KCNQ2: variants seen among roughly 807,000 people sequenced by gnomAD.
KCNQ2 encodes potassium voltage-gated channel subfamily Q member 2.
In KCNQ2, 14 loss-of-function variants were observed where a neutral mutation model predicts 84.8. The observed-to-expected ratio is 0.17, with a 90% CI of 0.11 to 0.26. KCNQ2 has a LOEUF of 0.26. Among genes scored for constraint, KCNQ2 ranks in the 10% least tolerant of loss-of-function variants. The pLI is 1.00. For missense variants in KCNQ2, 788 were observed against 1,254.0 expected, an observed-to-expected ratio of 0.63 and a Z score of 5.61; for synonymous variants, 599 against 554.1, an observed-to-expected ratio of 1.08 and a Z score of -1.14.
chr20:63,458,286 G>A (rs1054093557), intron 1 of KCNQ2, among the ~76,000 whole-genome samples: 4 of 152,224 alleles, frequency 2.6e-5, no homozygotes, highest in African/African-American at 7.2e-5. Flanking sequence ...ATGGCAGCCA[G>A]CATAGGCGAG....
intron 1 of KCNQ2, chr20:63,447,356 A>G (rs1270375971): frequency 6.3e-6 from 1 of 158,476 alleles, no homozygotes. Context: ...GAGCCAAGCA[A>G]CAGGAGCTCC....
In KCNQ2 at chr20:63,406,019, A is replaced by G. The variant is rs1176354125; in HGVS notation, c.*625T>C. ...CCTCGGGGCTGGCTTCCATGGAAAGAGCCCTCAGATCCCAGAAGGTACAGG... is the reference window on the plus strand; with the variant it reads ...CCTCGGGGCTGGCTTCCATGGAAAGGGCCCTCAGATCCCAGAAGGTACAGG... On this transcript the variant is annotated 3_prime_UTR_variant, in exon 17 of 17. Transcript: ENST00000359125. The G allele has an allele frequency of 6.6e-6, 1 of 152,264 alleles. No homozygotes were observed. Among genetic ancestry groups the G allele is most frequent in the African/African-American group, 2.4e-5 (1 of 41,444 alleles). The allele number at this position is 152,264 out of a possible 1,614,324, so 9.4% of individuals were successfully genotyped here.
At chr20:63,431,439 G>A in intron 8 of KCNQ2, 70 bp from the exon 9 acceptor site, 2 of 1,532,956 alleles carry the variant, frequency 1.3e-6, no homozygotes, top group Non-Finnish European at 1.8e-6. Context: ...ATAAGAAAAA[G>A]AAAATGAAAC....
chr20:63,465,701 C>T (rs562535212), intron 1 of KCNQ2, among the ~76,000 whole-genome samples: 140 of 152,332 alleles, frequency 9.2e-4, no homozygotes, highest in African/African-American at 3.3e-3. Context: ...AGGTGCCGCC[C>T]ACCCTACCCA....
chr20:63,413,683 G>A (rs1422930535), intron 14 of KCNQ2, 102 bp from the exon 15 acceptor site: 13 of 1,352,340 alleles, frequency 9.6e-6, no homozygotes, highest in Non-Finnish European at 1.2e-5. Context: ...CCTGGAGATG[G>A]CTGGACTTGC....
rs1440888009 is a variant in KCNQ2, at chr20:63,460,421, T to G, written c.296+11747A>C. Among the ~76,000 whole-genome samples the G allele has an allele frequency of 6.6e-6, 1 of 151,780 alleles. No individual in the cohort carries two copies. On this transcript the variant is annotated intron_variant, in intron 1 of 16. Transcript: ENST00000359125. This position sits in a 1 kb window ranked among gnomAD's most constrained non-coding sequence, Gnocchi z 5.4. ...GCTGAGGGCACCCCAACAGTGGCAC[T>G]CCTGACCGAGGCTCCCAGCAGGCCT...
Position 63,433,044 on chromosome 20 carries a change from G to C in KCNQ2, c.1118+765C>G, listed in dbSNP as rs545670111. Among the ~76,000 whole-genome samples, 499 of 152,314 alleles carry C rather than the reference G, an allele frequency of 3.3e-3. 2 individuals carry two copies. Among genetic ancestry groups the C allele is most frequent in the African/African-American group, 0.01 (418 of 41,564 alleles). On this transcript the variant is annotated intron_variant, in intron 8 of 16. Transcript: ENST00000359125. ...CCACACAGACGGACTCGAGGGGTCA[G>C]GCCCGCGTGGACCAGGAGAAAGGCC... is the stretch of plus-strand genomic sequence containing the variant.
intron 8 of KCNQ2, chr20:63,433,554 A>G: frequency 4.3e-6 from 3 of 695,990 alleles, no homozygotes; most frequent in South Asian, 3.9e-5. Context: ...GCAACGCACA[A>G]AACACAGCAC....
intron 1 of KCNQ2, among the ~76,000 whole-genome samples, chr20:63,468,500 G>T (rs1352763880): frequency 6.6e-6 from 1 of 152,216 alleles, no homozygotes; most frequent in Non-Finnish European, 1.5e-5. Flanking sequence ...TGAAGGGGTG[G>T]GAAAGAGGCC....
intron 12 of KCNQ2, among the ~76,000 whole-genome samples, chr20:63,418,955 C>T (rs2080383433): frequency 6.6e-6 from 1 of 152,256 alleles, no homozygotes; most frequent in African/African-American, 2.4e-5. Flanking sequence ...CTCCACCTTG[C>T]TGGGCTGTGC....
At chr20:63,413,208 C>G in intron 15 of KCNQ2, 1 of 558,572 alleles carries the variant, frequency 1.8e-6, no homozygotes, top group South Asian at 2.0e-5. Context: ...TTTTCAGGGA[C>G]CCACACACAC....
At chr20:63,439,838 G>C in intron 5 of KCNQ2, 130 bp from the exon 6 acceptor site, 1 of 740,722 alleles carries the variant, frequency 1.4e-6, no homozygotes. Context: ...CCATCCACAC[G>C]GAGGCCCAGT....
At chr20:63,413,325 G>A (rs557068314) in intron 15 of KCNQ2, 125 bp downstream of exon 15, 38 of 1,094,716 alleles carry the variant, frequency 3.5e-5, no homozygotes, top group African/African-American at 2.2e-4. Context: ...GACAGAGGCC[G>A]ACGTGGGTGG....
intron 1 of KCNQ2, among the ~76,000 whole-genome samples, chr20:63,454,622 G>A (rs2081722037): frequency 6.6e-6 from 1 of 152,228 alleles, no homozygotes; most frequent in Non-Finnish European, 1.5e-5. Context: ...CCAGGCCTCC[G>A]CCTACAAACC....
intron 10 of KCNQ2, among the ~76,000 whole-genome samples, chr20:63,427,885 GGGCAGGCCT>G (rs1014299202): frequency 1.3e-5 from 2 of 152,216 alleles, no homozygotes; most frequent in Non-Finnish European, 2.9e-5. Context: ...CTCTGGGCCT[GGGCAGGCCT>G]GGCAGGTGCA....
At chr20:63,453,819 G>A (rs976680293) in intron 1 of KCNQ2, 10 of 152,196 alleles carry the variant, frequency 6.6e-5, no homozygotes, top group African/African-American at 2.4e-4. Flanking sequence ...GCGAGAGAAG[G>A]GCAGGCGTAT....
At position 63,407,202 on chromosome 20, in the gene KCNQ2, G is replaced by A. The variant is rs543412828; in HGVS notation, c.2061C>T (p.Val687=). The change falls in exon 17 of 17, where the codon GTC becomes GTT. Residue 687 remains valine (V), a synonymous_variant. Coordinates refer to ENST00000359125, the MANE Select transcript of KCNQ2 (RefSeq NM_172107.4). This position sits in a 1 kb window ranked among gnomAD's most constrained non-coding sequence, Gnocchi z 7.2. ...REHVDRHGCI[V]KIVRSSSSTG... ...TGGAGCTGCTGGAGCGCACGATCTT[G>A]ACAATGCAGCCGTGCCTGTCGACAT... The A allele has an allele frequency of 6.2e-7, 1 of 1,606,086 alleles. No homozygotes were observed. The highest frequency in any genetic ancestry group is 1.3e-5 in the African/African-American group (1 of 75,054).
rs925192403 is a variant in KCNQ2, at chr20:63,408,250, G to C, written c.1887+163C>G. 7 of 901,608 alleles carry C rather than the reference G, an allele frequency of 7.8e-6. No homozygotes were observed. The African/African-American group carries it at 1.2e-4, about 15-fold the overall frequency. 55.9% of individuals were successfully genotyped at this position (901,608 alleles called of 1,614,324 possible). A position where few individuals can be genotyped will look rare whatever the true frequency, so the allele number is the denominator to read the frequency against. On this transcript the variant is annotated intron_variant, in intron 16 of 16. Transcript: ENST00000359125. The surrounding 1 kb of genome is among the most constrained non-coding windows in gnomAD (Gnocchi z 5.0). ...GGGTGGGAGGCTCACGGTGGGGTGT[G>C]AGGGGTCTGCACAGAGCAGCTGTCA... is the stretch of plus-strand genomic sequence containing the variant.
At chr20:63,436,482 G>A (rs1423231041) in intron 7 of KCNQ2, among the ~76,000 whole-genome samples, 4 of 151,072 alleles carry the variant, frequency 2.6e-5, no homozygotes, top group Non-Finnish European at 5.9e-5. Context: ...AGTGAGCTGA[G>A]ATCGCACCAC....
Sources: allele counts gnomAD v4.1 joint callset (sites outside exome capture counted in the v4.1 genomes callset), GRCh38; gene constraint gnomAD v4.1.1; non-coding constraint Gnocchi (gnomAD v3.1); transcripts MANE v1.5; gene names NCBI Gene and HGNC (gene_info 2026-07-23, HGNC 2026-07-21).